RHBDL2: variants seen among roughly 807,000 people sequenced by gnomAD.
The protein encoded by RHBDL2 is rhomboid-related protein 2.
RHBDL2 carries 26 observed loss-of-function variants against 31.7 expected under a neutral mutation model. That is an observed-to-expected ratio of 0.82 (90% CI 0.60 to 1.14). The LOEUF (loss-of-function observed/expected upper bound fraction) is 1.14, where lower values mean the gene tolerates loss of function less well. RHBDL2 is among the 50% of genes most tolerant of loss of function. RHBDL2 has a pLI of 0.00. For missense variants in RHBDL2, 336 were observed against 364.4 expected (o/e 0.92, Z 0.63); for synonymous variants, 123 against 127.2 (o/e 0.97, Z 0.22).
At chr1:38,903,838 A>C (rs2124315869) in intron 4 of RHBDL2, among the ~76,000 whole-genome samples, 1 of 152,338 alleles carries the variant, frequency 6.6e-6, no homozygotes, top group Non-Finnish European at 1.5e-5. Context: ...AGTAACCAAG[A>C]TATGTGGTAT....
intron 1 of RHBDL2, chr1:38,926,160 C>T: frequency 1.9e-6 from 2 of 1,080,282 alleles, no homozygotes; most frequent in Non-Finnish European, 2.3e-6. Context: ...GACCAATCAG[C>T]TGCATTTGCT....
At chr1:38,908,513 CA>C (rs35185971) in intron 4 of RHBDL2, among the ~76,000 whole-genome samples, 21,350 of 67,400 alleles carry the variant, frequency 0.32, 938 homozygotes, top group East Asian at 0.45. Context: ...ACTCCGTCTC[CA>C]AAAAAAAAAA....
chr1:38,912,985 T>TG (rs780852288), intron 3 of RHBDL2, among the ~76,000 whole-genome samples: 32 of 139,760 alleles, frequency 2.3e-4, no homozygotes, highest in Admixed American at 2.9e-4. Context: ...TGTGTGTGTA[T>TG]TTTTTTTTTT....
chr1:38,906,343 A>G (rs1020741580), intron 4 of RHBDL2, among the ~76,000 whole-genome samples: 1 of 152,114 alleles, frequency 6.6e-6, no homozygotes. Flanking sequence ...CAAAAACCCT[A>G]CTACTAAGTG....
rs768898183 is a variant in RHBDL2, at chr1:38,915,688, G to A, written c.269C>T (p.Ala90Val). Reference protein sequence around the residue: ...LAELAVFIYYAVWKPQKQWIT... With the variant: ...LAELAVFIYYVVWKPQKQWIT... ...CCACTGTTTCTGAGGCTTCCACACA[G>A]CATAGTAAATAAACACTGCCAGCTG... Residue 90 changes from alanine to valine, a missense_variant, in exon 3 of 8, where the codon GCT becomes GTT. By Grantham distance (64) the Ala-to-Val change is moderately conservative. Coordinates refer to ENST00000372990, the MANE Select transcript of RHBDL2 (RefSeq NM_017821.5). 6.2e-7 allele frequency: 1 copy of A among 1,613,948 alleles called. No homozygotes were observed. Among genetic ancestry groups the A allele is most frequent in the African/African-American group, 1.3e-5 (1 of 74,906 alleles).
chr1:38,910,008 T>C (rs556904813), intron 4 of RHBDL2, among the ~76,000 whole-genome samples: 1 of 152,290 alleles, frequency 6.6e-6, no homozygotes, highest in Non-Finnish European at 1.5e-5. Flanking sequence ...ATGGAATGAA[T>C]ACTGGGCAAT....
chr1:38,925,550 G>A (rs1438849986), intron 1 of RHBDL2, among the ~76,000 whole-genome samples: 1 of 151,818 alleles, frequency 6.6e-6, no homozygotes, highest in Non-Finnish European at 1.5e-5. Flanking sequence ...CTCTCTTGAT[G>A]AGCAGCCTGG....
intron 1 of RHBDL2, 101 bp from the exon 2 acceptor site, chr1:38,919,438 G>C: frequency 8.8e-7 from 1 of 1,142,520 alleles, no homozygotes; most frequent in Non-Finnish European, 1.2e-6. Flanking sequence ...AAAAGAGCCA[G>C]ATGACTGAGA....
In RHBDL2 at chr1:38,886,537, C is replaced by G; in HGVS notation, c.879G>C (p.Val293=). The change falls in exon 8 of 8, where the codon GTG becomes GTC. Residue 293 remains valine (V), a synonymous_variant. Coordinates refer to ENST00000372990, the MANE Select transcript of RHBDL2 (RefSeq NM_017821.5). The part of the protein sequence containing the change: ...AAYLACVLFA[V]FFNIFLSPAN ...CTGGAGATAGGAAAATGTTGAAAAA[C>G]ACAGCAAATAAGACACAAGCTAAAT... 1 of 1,590,576 alleles carries G rather than the reference C, an allele frequency of 6.3e-7. No individual in the cohort carries two copies. Among genetic ancestry groups the G allele is most frequent in the Non-Finnish European group, 8.6e-7 (1 of 1,165,802 alleles).
At chr1:38,908,513 CAAA>C (rs35185971) in intron 4 of RHBDL2, among the ~76,000 whole-genome samples, 2 of 66,872 alleles carry the variant, frequency 3.0e-5, no homozygotes, top group African/African-American at 6.0e-5. Context: ...ACTCCGTCTC[CAAA>C]AAAAAAAAAA....
Position 38,919,045 on chromosome 1 carries a change from T to G in RHBDL2, c.168A>C (p.Glu56Asp). 6.2e-7 allele frequency: 1 copy of G among 1,614,188 alleles called. No individual in the cohort carries two copies. Among genetic ancestry groups the G allele is most frequent in the Non-Finnish European group, 8.5e-7 (1 of 1,180,036 alleles). ...TCTCCAAGTATGTTCCTCGGGACTT[T>G]TCGGGCAGCATCCATTTTGAGACAA... Reference protein sequence around the residue: ...HRIVSKWMLPEKSRGTYLERA... With the variant: ...HRIVSKWMLPDKSRGTYLERA... The change falls in exon 2 of 8, where the codon GAA becomes GAC. Residue 56 changes from glutamate to aspartate, a missense_variant. Transcript: ENST00000372990.
chr1:38,926,198 T>C (rs572737013), intron 1 of RHBDL2: 179 of 1,095,038 alleles, frequency 1.6e-4, no homozygotes, highest in Non-Finnish European at 2.0e-4. Flanking sequence ...GAGGTGAGGA[T>C]GGAAAAAATT....
intron 4 of RHBDL2, among the ~76,000 whole-genome samples, chr1:38,909,083 G>A (rs1038443920): frequency 2.0e-5 from 3 of 152,136 alleles, no homozygotes; most frequent in Non-Finnish European, 2.9e-5. Flanking sequence ...CGTCTGTCCT[G>A]TCATCTTCTG....
intron 4 of RHBDL2, among the ~76,000 whole-genome samples, chr1:38,905,459 C>A (rs1476472470): frequency 6.8e-6 from 1 of 147,796 alleles, no homozygotes; most frequent in Non-Finnish European, 1.5e-5. Context: ...CTACAAAAAA[C>A]TTACAGTTGG....
At chr1:38,926,007 GACA>G (rs746967412) in intron 1 of RHBDL2, 1 of 1,271,762 alleles carries the variant, frequency 7.9e-7, no homozygotes, top group South Asian at 1.3e-5. Context: ...TGGATTCTTT[GACA>G]ACATGTACGT....
rs1034694429 is a variant in RHBDL2, at chr1:38,933,274, T to C, written c.-126+8408A>G. Among the ~76,000 whole-genome samples the C allele has an allele frequency of 1.2e-4, 19 of 152,276 alleles. No individual in the cohort carries two copies. The East Asian group carries it at 1.5e-3, about 12-fold the overall frequency. On this transcript the variant is annotated intron_variant, in intron 1 of 7. Transcript: ENST00000372990. ...CTTCTACCTAGCCCTCTCCCTTCCCTACAACTCATACACACAAGGTTGGTC... is the reference window on the plus strand; with the variant it reads ...CTTCTACCTAGCCCTCTCCCTTCCCCACAACTCATACACACAAGGTTGGTC...
At chr1:38,888,163 T>C in intron 6 of RHBDL2, 139 bp from the exon 7 acceptor site, 1 of 598,200 alleles carries the variant, frequency 1.7e-6, no homozygotes, top group South Asian at 2.3e-5. Context: ...TTCTAAGAGA[T>C]CTTTTAACTC....
chr1:38,919,236 CAGA>C lies in RHBDL2; in HGVS notation c.-27_-25del. The C allele has an allele frequency of 6.2e-7, 1 of 1,613,982 alleles. No homozygotes were observed. The highest frequency in any genetic ancestry group is 8.5e-7 in the Non-Finnish European group (1 of 1,180,002). Reference sequence around the variant, plus strand: ...ATTGTCCTGGGTCCTCCCTCCTCCCCAGAAGGACATGAATCCCAGGGAACAGCA... The same window carrying C: ...ATTGTCCTGGGTCCTCCCTCCTCCCCAGGACATGAATCCCAGGGAACAGCA... On this transcript the variant is annotated 5_prime_UTR_variant, in exon 2 of 8. Transcript: ENST00000372990.
chr1:38,886,638 T>C lies in RHBDL2; in HGVS notation c.778A>G (p.Ile260Val). The change falls in exon 8 of 8, where the codon ATT (isoleucine) becomes GTT (valine). Residue 260 changes from isoleucine to valine, a missense_variant. Transcript: ENST00000372990. ...HIAGGFAGMS[I>V]GYTVFSCFDK... ...AAGCAGCTAAACACCGTGTAGCCAA[T>C]GGACATTCCAGCAAATCCACCTGCA... 2 of 1,583,062 alleles carry C rather than the reference T, an allele frequency of 1.3e-6. No homozygotes were observed. Among genetic ancestry groups the C allele is most frequent in the Non-Finnish European group, 1.7e-6 (2 of 1,161,408 alleles).
Sources: allele counts gnomAD v4.1 joint callset (sites outside exome capture counted in the v4.1 genomes callset), GRCh38; gene constraint gnomAD v4.1.1; transcripts MANE v1.5; gene names NCBI Gene and HGNC (gene_info 2026-07-23, HGNC 2026-07-21).